Variants in SLC9D1 observed in about 807,000 individuals in gnomAD.
SLC9D1 encodes the protein putative LAG1-interacting protein.
the SLC9D1 span, chr13:113,528,103 C>T: frequency 2.6e-5 from 4 of 152,188 alleles, no homozygotes; most frequent in Admixed American, 2.0e-4. Flanking sequence ...GCTGCTTTAA[C>T]ACCCTCATCA....
At chr13:113,501,950 A>G in the SLC9D1 span, 6 of 1,282,912 alleles carry the variant, frequency 4.7e-6, no homozygotes, top group Middle Eastern at 2.1e-4. Context: ...TGAAGACTAA[A>G]AAGTATTGAA....
chr13:113,523,130 G>T, the SLC9D1 span, among the ~76,000 whole-genome samples: 67 of 129,668 alleles, frequency 5.2e-4, no homozygotes, highest in African/African-American at 1.9e-3. Context: ...TTTTTTTTTT[G>T]ATACTCTTTG....
chr13:113,520,716 C>T, the SLC9D1 span: 10 of 1,612,576 alleles, frequency 6.2e-6, no homozygotes, highest in East Asian at 1.3e-4. Flanking sequence ...TACAGGCGGG[C>T]GCCAGTGCAT....
At chr13:113,532,689 T>A in the SLC9D1 span, among the ~76,000 whole-genome samples, 1 of 151,944 alleles carries the variant, frequency 6.6e-6, no homozygotes, top group African/African-American at 2.4e-5. Flanking sequence ...CGTGAGTCTG[T>A]CTCCGTTCCT....
At chr13:113,507,308 A>T in the SLC9D1 span, among the ~76,000 whole-genome samples, 1 of 152,146 alleles carries the variant, frequency 6.6e-6, no homozygotes, top group Non-Finnish European at 1.5e-5. Flanking sequence ...AAACGACATT[A>T]TTAAGCAATG....
At chr13:113,499,608 G>T in the SLC9D1 span, among the ~76,000 whole-genome samples, 6 of 152,294 alleles carry the variant, frequency 3.9e-5, no homozygotes, top group African/African-American at 1.4e-4. Flanking sequence ...TCACAAAAAG[G>T]TTGGGTAATA....
chr13:113,532,472 C>G, the SLC9D1 span, among the ~76,000 whole-genome samples: 1 of 152,082 alleles, frequency 6.6e-6, no homozygotes, highest in Non-Finnish European at 1.5e-5. Context: ...GCCTGGGTTC[C>G]ATCCCAGCGT....
chr13:113,493,952 A>G, the SLC9D1 span, among the ~76,000 whole-genome samples: 2 of 152,344 alleles, frequency 1.3e-5, no homozygotes, highest in Middle Eastern at 3.4e-3. Context: ...TGGTTTGGGC[A>G]GAATGCTGCC....
chr13:113,534,021 T>C, the SLC9D1 span: 13 of 1,555,606 alleles, frequency 8.4e-6, no homozygotes, highest in Non-Finnish European at 8.7e-7. Flanking sequence ...GGAAGTGAAA[T>C]CACGTCTCTT....
At chr13:113,498,654 C>T in the SLC9D1 span, 5 of 683,338 alleles carry the variant, frequency 7.3e-6, no homozygotes, top group East Asian at 3.3e-5. Context: ...GCTTCTCTGT[C>T]GTAGAGAAAA....
chr13:113,549,841 T>A, the SLC9D1 span: 1 of 581,526 alleles, frequency 1.7e-6, no homozygotes, highest in Non-Finnish European at 3.0e-6. Flanking sequence ...AAATTATTAT[T>A]AATTTTCTAT....
the SLC9D1 span, among the ~76,000 whole-genome samples, chr13:113,507,114 A>G: frequency 1.3e-5 from 2 of 151,812 alleles, no homozygotes; most frequent in Non-Finnish European, 2.9e-5. Flanking sequence ...TGTGTCTGGG[A>G]TGTGCGGGTG....
At chr13:113,505,033 G>A in the SLC9D1 span, 1 of 152,140 alleles carries the variant, frequency 6.6e-6, no homozygotes, top group Non-Finnish European at 1.5e-5. Context: ...TTGTGGTTTT[G>A]ATTTGCATTT....
chr13:113,510,954 G>A, the SLC9D1 span, among the ~76,000 whole-genome samples: 4 of 152,070 alleles, frequency 2.6e-5, no homozygotes, highest in Admixed American at 1.3e-4. Context: ...CGGAGCCTAG[G>A]CAGGACCGTG....
the SLC9D1 span, chr13:113,495,687 C>T: frequency 3.1e-6 from 5 of 1,612,064 alleles, no homozygotes; most frequent in Non-Finnish European, 4.2e-6. Context: ...GATCAAACTG[C>T]ACCGCGGGCG....
chr13:113,518,916 C>T, the SLC9D1 span, among the ~76,000 whole-genome samples: 1 of 152,180 alleles, frequency 6.6e-6, no homozygotes, highest in South Asian at 2.1e-4. Flanking sequence ...CCTTCTAAAA[C>T]AATTACCTGA....
the SLC9D1 span, chr13:113,520,740 G>A: frequency 1.1e-5 from 17 of 1,584,920 alleles, no homozygotes; most frequent in Admixed American, 1.3e-4. Context: ...CTAGGTAAAC[G>A]CTTTGTGTAC....
At chr13:113,533,216 A>G in the SLC9D1 span, among the ~76,000 whole-genome samples, 2 of 148,310 alleles carry the variant, frequency 1.3e-5, no homozygotes, top group South Asian at 4.3e-4. Context: ...ATGCTCCTTC[A>G]CAGCTGCTTC....
the SLC9D1 span, chr13:113,500,161 T>C: frequency 1.0e-5 from 14 of 1,400,184 alleles, no homozygotes; most frequent in South Asian, 2.7e-4. Flanking sequence ...TAGTGAGTCA[T>C]GGTGGGGATG....
Sources: allele counts gnomAD v4.1 joint callset (sites outside exome capture counted in the v4.1 genomes callset), GRCh38; gene constraint gnomAD v4.1.1; transcripts MANE v1.5; gene names NCBI Gene and HGNC (gene_info 2026-07-23, HGNC 2026-07-21).